Variants in KBTBD11 observed in about 807,000 individuals in gnomAD.
The protein encoded by KBTBD11 is kelch repeat and BTB domain containing 11.
For missense variants in KBTBD11, 1,390 were observed against 1,001.8 expected (o/e 1.39, Z -5.23); for synonymous variants, 747 against 499.0 (o/e 1.50, Z -6.63).
chr8:1,983,838 T>A (rs1045201237), intron 1 of KBTBD11, among the ~76,000 whole-genome samples: 2 of 152,248 alleles, frequency 1.3e-5, no homozygotes, highest in African/African-American at 2.4e-5. Flanking sequence ...CTGGAAAAAG[T>A]CACACATGGG....
At chr8:1,992,522 G>A (rs1563371188) in intron 1 of KBTBD11, among the ~76,000 whole-genome samples, 1 of 151,902 alleles carries the variant, frequency 6.6e-6, no homozygotes, top group African/African-American at 2.4e-5. Context: ...ATTTCCCAAG[G>A]TTAGAAATGC....
At chr8:1,981,604 G>T (rs920901671) in intron 1 of KBTBD11, among the ~76,000 whole-genome samples, 7 of 152,222 alleles carry the variant, frequency 4.6e-5, no homozygotes, top group Non-Finnish European at 2.9e-5. Context: ...ATTTGAACCA[G>T]TGTGAGGAAG....
At chr8:1,974,024 G>A in intron 1 of KBTBD11, 89 bp downstream of exon 1, 2 of 865,378 alleles carry the variant, frequency 2.3e-6, no homozygotes, top group Non-Finnish European at 2.8e-6. Context: ...GCGGCGGGTG[G>A]GAGGTGGTCG....
chr8:1,983,945 C>T (rs970810120), intron 1 of KBTBD11, among the ~76,000 whole-genome samples: 2 of 151,946 alleles, frequency 1.3e-5, no homozygotes, highest in Admixed American at 6.6e-5. Flanking sequence ...GCCTGGCCAA[C>T]AAGGTGAAGC....
chr8:1,991,782 T>C (rs976764244), intron 1 of KBTBD11, among the ~76,000 whole-genome samples: 1 of 151,670 alleles, frequency 6.6e-6, no homozygotes, highest in Admixed American at 6.6e-5. Flanking sequence ...CTTCTCGTTT[T>C]AGGACGAGAT....
chr8:1,985,087 C>T, intron 1 of KBTBD11, among the ~76,000 whole-genome samples: 1 of 152,210 alleles, frequency 6.6e-6, no homozygotes, highest in South Asian at 2.1e-4. Context: ...AAATCAGAAG[C>T]CCTTCTGTAG....
intron 1 of KBTBD11, among the ~76,000 whole-genome samples, chr8:1,980,522 G>C (rs1047650751): frequency 6.6e-6 from 1 of 152,218 alleles, no homozygotes; most frequent in African/African-American, 2.4e-5. Context: ...ACCACACCCA[G>C]CCTTTAATCA....
At position 2,002,394 on chromosome 8, in the gene KBTBD11, C is replaced by G; in HGVS notation, c.1202C>G (p.Ala401Gly). 6.8e-7 allele frequency: 1 copy of G among 1,480,604 alleles called. No individual in the cohort carries two copies. Among genetic ancestry groups the G allele is most frequent in the Non-Finnish European group, 8.9e-7 (1 of 1,121,828 alleles). 91.7% of individuals were successfully genotyped at this position (1,480,604 alleles called of 1,614,324 possible). A position where few individuals can be genotyped will look rare whatever the true frequency, so the allele number is the denominator to read the frequency against. Residue 401 changes from alanine (A) to glycine (G), a missense_variant, in exon 2 of 2, where the codon GCG (alanine) becomes GGG (glycine). By Grantham distance (60) the Ala-to-Gly change is moderately conservative. Transcript: ENST00000320248. This position sits in a 1 kb window ranked among gnomAD's most constrained non-coding sequence, Gnocchi z 4.1. Reference protein sequence around the residue: ...SWSAVRPLRQARSQLRLLALD... With the variant: ...SWSAVRPLRQGRSQLRLLALD... ...AGCGCCGTGAGGCCCCTGCGCCAGGCGCGCTCGCAGCTGCGGCTGCTGGCC... is the reference window on the plus strand; with the variant it reads ...AGCGCCGTGAGGCCCCTGCGCCAGGGGCGCTCGCAGCTGCGGCTGCTGGCC...
intron 1 of KBTBD11, among the ~76,000 whole-genome samples, chr8:1,977,775 A>T (rs1297533466): frequency 6.6e-6 from 1 of 152,074 alleles, no homozygotes; most frequent in Non-Finnish European, 1.5e-5. Flanking sequence ...GCCTCAAGTG[A>T]TCTTCCTGCC....
chr8:1,982,425 A>G (rs7831899), intron 1 of KBTBD11, among the ~76,000 whole-genome samples: 7,444 of 152,270 alleles, frequency 0.049, 641 homozygotes, highest in African/African-American at 0.17. Context: ...TTGAACATAA[A>G]TGCATTCAGT....
In KBTBD11 at chr8:2,003,223, C is replaced by A. The variant is rs916087442; in HGVS notation, c.*159C>A. Reference sequence around the variant, plus strand: ...CCGAGGACGCTCTCAGGGCCGCTTTCGCTTTGCTTTCCTTTTGCTTGTCTT... The same window carrying A: ...CCGAGGACGCTCTCAGGGCCGCTTTAGCTTTGCTTTCCTTTTGCTTGTCTT... On this transcript the variant is annotated 3_prime_UTR_variant, in exon 2 of 2. Coordinates refer to ENST00000320248, the MANE Select transcript of KBTBD11 (RefSeq NM_014867.3). The A allele has an allele frequency of 1.1e-5, 13 of 1,147,160 alleles. No individual in the cohort carries two copies. The highest frequency in any genetic ancestry group is 1.3e-5 in the Non-Finnish European group (12 of 899,134). The allele number at this position is 1,147,160 out of a possible 1,614,324, so 71.1% of individuals were successfully genotyped here. A position where few individuals can be genotyped will look rare whatever the true frequency, so the allele number is the denominator to read the frequency against.
At position 2,004,298 on chromosome 8, in the gene KBTBD11, C is replaced by T. The variant is rs1817506416; in HGVS notation, c.*1234C>T. 1 of 166,806 alleles carries T rather than the reference C, an allele frequency of 6.0e-6. No individual in the cohort carries two copies. The highest frequency in any genetic ancestry group is 6.5e-5 in the Admixed American group (1 of 15,294). 10.3% of individuals were successfully genotyped at this position (166,806 alleles called of 1,614,324 possible). A position where few individuals can be genotyped will look rare whatever the true frequency, so the allele number is the denominator to read the frequency against. ...AAAACAAATCAGTTGGGTCGTTTCTCATTTAACATTTTACTTTTCAAGTGT... is the reference window on the plus strand; with the variant it reads ...AAAACAAATCAGTTGGGTCGTTTCTTATTTAACATTTTACTTTTCAAGTGT... On this transcript the variant is annotated 3_prime_UTR_variant, in exon 2 of 2. Transcript: ENST00000320248.
At chr8:1,991,240 G>C (rs1045653742) in intron 1 of KBTBD11, among the ~76,000 whole-genome samples, 2 of 152,248 alleles carry the variant, frequency 1.3e-5, no homozygotes, top group African/African-American at 4.8e-5. Context: ...AGCTTGCTAG[G>C]GCAGCGGCTG....
intron 1 of KBTBD11, among the ~76,000 whole-genome samples, chr8:1,993,556 CCCATCCATCCAT>C (rs1184041692): frequency 4.1e-5 from 3 of 73,698 alleles, no homozygotes; most frequent in African/African-American, 1.6e-4. Flanking sequence ...CACCCACCCA[CCCATCCATCCAT>C]CCATCCATCC....
intron 1 of KBTBD11, among the ~76,000 whole-genome samples, chr8:1,978,992 C>T (rs1244982099): frequency 1.3e-5 from 2 of 152,220 alleles, no homozygotes; most frequent in Non-Finnish European, 2.9e-5. Context: ...TGGGCAGGCA[C>T]AGGAGAACTG....
At chr8:1,988,624 C>T (rs1382339375) in intron 1 of KBTBD11, among the ~76,000 whole-genome samples, 1 of 152,130 alleles carries the variant, frequency 6.6e-6, no homozygotes, top group African/African-American at 2.4e-5. Flanking sequence ...TGGATATTAG[C>T]CCCTCCTGGA....
At chr8:1,997,976 G>C (rs1265444843) in intron 1 of KBTBD11, among the ~76,000 whole-genome samples, 1 of 152,216 alleles carries the variant, frequency 6.6e-6, no homozygotes, top group Non-Finnish European at 1.5e-5. Flanking sequence ...AAGACCGCTT[G>C]AATCATGACT....
chr8:1,993,523 AT>A (rs2129313738), intron 1 of KBTBD11, among the ~76,000 whole-genome samples: 5 of 32,788 alleles, frequency 1.5e-4, no homozygotes, highest in South Asian at 2.3e-3. Flanking sequence ...CCATCCACCC[AT>A]CCATCCACCC....
intron 1 of KBTBD11, among the ~76,000 whole-genome samples, chr8:1,985,028 T>C (rs1291094892): frequency 6.6e-6 from 1 of 152,202 alleles, no homozygotes; most frequent in African/African-American, 2.4e-5. Flanking sequence ...ATTCTCATGC[T>C]CTAAGGGGCA....
Sources: gnomAD v4.1 joint callset for allele counts (sites outside exome capture counted in the v4.1 genomes callset) on GRCh38, gnomAD v4.1.1 for gene constraint, Gnocchi (gnomAD v3.1) non-coding constraint, MANE v1.5 for transcripts, NCBI Gene and HGNC (gene_info 2026-07-23, HGNC 2026-07-21) for gene names.